Variants in WDPCP observed in about 807,000 individuals in gnomAD.
The protein encoded by WDPCP is WD repeat containing planar cell polarity effector.
A neutral mutation model predicts 93.1 loss-of-function variants in WDPCP; 71 were observed. That is an observed-to-expected ratio of 0.76 (90% confidence interval 0.63 to 0.93). The LOEUF is 0.93. Ranked by LOEUF, WDPCP falls within the 40% of genes least tolerant of loss-of-function variation. The probability of loss-of-function intolerance (pLI) is 0.00; values close to 1 mark genes in which losing one functional copy is unlikely to be tolerated. For synonymous variants in WDPCP, 315 were observed against 315.0 expected, an observed-to-expected ratio of 1.00 and a Z score of 0.00; for missense variants, 844 against 887.4, an observed-to-expected ratio of 0.95 and a Z score of 0.62.
intron 13 of WDPCP, among the ~76,000 whole-genome samples, chr2:63,290,510 G>T (rs1287397142): frequency 6.6e-6 from 1 of 152,022 alleles, no homozygotes; most frequent in Non-Finnish European, 1.5e-5. Flanking sequence ...TGATTTTTAG[G>T]ACTCTTCATT....
chr2:63,766,324 C>G (rs564576770), intron 2 of WDPCP, among the ~76,000 whole-genome samples: 33 of 151,846 alleles, frequency 2.2e-4, no homozygotes, highest in Middle Eastern at 6.8e-3. Context: ...TAAATATGCC[C>G]AAATATTAAA....
At chr2:63,624,163 T>C (rs188371994) in intron 3 of WDPCP, among the ~76,000 whole-genome samples, 21 of 152,282 alleles carry the variant, frequency 1.4e-4, no homozygotes, top group Non-Finnish European at 1.0e-4. Flanking sequence ...CGTATCAGAA[T>C]CTCTGGGGCA....
intron 2 of WDPCP, among the ~76,000 whole-genome samples, chr2:63,803,539 T>C (rs1030972261): frequency 2.0e-5 from 3 of 152,234 alleles, no homozygotes; most frequent in Admixed American, 6.5e-5. Flanking sequence ...ATTTACCATC[T>C]GCTGTAACCC....
chr2:63,783,186 A>G (rs553947456), intron 2 of WDPCP, among the ~76,000 whole-genome samples: 1 of 152,116 alleles, frequency 6.6e-6, no homozygotes, highest in Admixed American at 6.6e-5. Flanking sequence ...GCTAGGCAGG[A>G]AAATCACGTG....
At chr2:63,476,444 G>A (rs1699977480) in intron 6 of WDPCP, among the ~76,000 whole-genome samples, 1 of 152,022 alleles carries the variant, frequency 6.6e-6, no homozygotes, top group African/African-American at 2.4e-5. Context: ...ATTTCACACA[G>A]CTTTTTAGGT....
intron 2 of WDPCP, among the ~76,000 whole-genome samples, chr2:63,740,656 T>G (rs1356058202): frequency 6.6e-6 from 1 of 152,154 alleles, no homozygotes; most frequent in East Asian, 1.9e-4. Flanking sequence ...TCTAAATGTG[T>G]AACCAACATT....
chr2:63,700,282 C>CAAAAAAAAAAAAAAAAA (rs1196006011), intron 2 of WDPCP, among the ~76,000 whole-genome samples: 129 of 41,398 alleles, frequency 3.1e-3, no homozygotes, highest in Non-Finnish European at 3.7e-3. Context: ...GACCCTGTCT[C>CAAAAAAAAAAAAAAAAA]AAAAAAAAAA....
chr2:63,260,812 T>G (rs1388491952), intron 13 of WDPCP, among the ~76,000 whole-genome samples: 1 of 152,196 alleles, frequency 6.6e-6, no homozygotes. Context: ...CCTCCAAAAG[T>G]GCTGGGATTA....
At chr2:63,404,722 A>G in intron 9 of WDPCP, 65 bp from the exon 10 acceptor site, 1 of 1,586,912 alleles carries the variant, frequency 6.3e-7, no homozygotes, top group Non-Finnish European at 8.6e-7. Context: ...CACACCTAGG[A>G]CTGCATATTT....
intron 12 of WDPCP, among the ~76,000 whole-genome samples, chr2:63,373,660 C>G (rs1691601135): frequency 6.6e-6 from 1 of 151,510 alleles, no homozygotes; most frequent in African/African-American, 2.4e-5. Flanking sequence ...TTGCTAGTAT[C>G]TCATTGTGTG....
chr2:63,232,720 AAGC>A (rs1281624540), intron 14 of WDPCP: 1 of 153,092 alleles, frequency 6.5e-6, no homozygotes, highest in African/African-American at 2.4e-5. Flanking sequence ...CAATCACATT[AAGC>A]TTAACCTTTT....
intron 1 of WDPCP, among the ~76,000 whole-genome samples, chr2:63,559,556 A>G (rs1023529165): frequency 6.6e-6 from 1 of 152,222 alleles, no homozygotes; most frequent in African/African-American, 2.4e-5. Context: ...TCTTAGGCTG[A>G]TAAGTAACTT....
At chr2:63,240,234 A>G (rs1296873379) in intron 14 of WDPCP, among the ~76,000 whole-genome samples, 1 of 152,060 alleles carries the variant, frequency 6.6e-6, no homozygotes, top group Non-Finnish European at 1.5e-5. Context: ...GCTGGAGTGC[A>G]GTGGCATGAT....
In WDPCP at chr2:63,404,107, T is replaced by C. The variant is rs759973492; in HGVS notation, c.1376A>G (p.Tyr459Cys). Residue 459 changes from tyrosine (Y) to cysteine (C), a missense_variant, in exon 10 of 18, where the codon TAT becomes TGT. Physicochemically the swap from Tyr to Cys is radical, Grantham distance 194 (BLOSUM62 -2). Coordinates refer to ENST00000272321, the MANE Select transcript of WDPCP (RefSeq NM_015910.7). ...VSQKGEGSDI[Y>C]DLLFLRFERG... ...TTCAAACCTGAGGAAGAGGAGATCA[T>C]AGATATCACTACCTTCACCCTTCTG... 3.1e-6 allele frequency: 5 copies of C among 1,614,130 alleles called. No individual in the cohort carries two copies. In the East Asian group the frequency reaches 6.7e-5, roughly 22 times the overall value.
intron 2 of WDPCP, among the ~76,000 whole-genome samples, chr2:63,808,901 G>C (rs962527876): frequency 6.6e-6 from 1 of 151,696 alleles, no homozygotes; most frequent in Admixed American, 6.6e-5. Flanking sequence ...AATGAGGAGC[G>C]CCTCTTCCCG....
intron 2 of WDPCP, among the ~76,000 whole-genome samples, chr2:63,706,167 C>T (rs1419604145): frequency 1.3e-5 from 2 of 150,042 alleles, no homozygotes; most frequent in Non-Finnish European, 3.0e-5. Context: ...TTCCTCCATC[C>T]CTTTATTTTG....
At chr2:63,238,986 C>G (rs1050986317) in intron 14 of WDPCP, among the ~76,000 whole-genome samples, 1 of 152,258 alleles carries the variant, frequency 6.6e-6, no homozygotes, top group East Asian at 1.9e-4. Context: ...AACATGGTCA[C>G]TGAACATACA....
intron 17 of WDPCP, among the ~76,000 whole-genome samples, chr2:63,138,914 A>G (rs1455780735): frequency 6.6e-6 from 1 of 151,632 alleles, no homozygotes; most frequent in East Asian, 1.9e-4. Flanking sequence ...TTGTGTCCTC[A>G]TAGCTTAGCT....
intron 1 of WDPCP, among the ~76,000 whole-genome samples, chr2:63,826,579 G>T (rs901519353): frequency 1.3e-5 from 2 of 151,912 alleles, no homozygotes; most frequent in African/African-American, 4.8e-5. Context: ...TCTTTCTTAG[G>T]CTTCTAAGTT....
Sources: gnomAD v4.1 joint callset for allele counts (sites outside exome capture counted in the v4.1 genomes callset) on GRCh38, gnomAD v4.1.1 for gene constraint, MANE v1.5 for transcripts, NCBI Gene and HGNC (gene_info 2026-07-23, HGNC 2026-07-21) for gene names.